The following CHODL variants were observed in gnomAD, a reference collection of about 807,000 sequenced individuals.
CHODL encodes chondrolectin.
CHODL carries 29 observed loss-of-function variants against 34.5 expected under a neutral mutation model. The ratio of observed to expected loss-of-function variants is 0.84; its 90% CI spans 0.63 to 1.15. The LOEUF is 1.15. Among genes scored for constraint, CHODL ranks in the 50% most tolerant of loss-of-function variants. CHODL has a pLI of 0.00. For missense variants in CHODL, 332 were observed against 332.5 expected (o/e 1.00, Z 0.01); for synonymous variants, 125 against 116.1 (o/e 1.08, Z -0.49).
intron 2 of CHODL, among the ~76,000 whole-genome samples, chr21:18,196,682 A>G (rs766412319): frequency 2.0e-5 from 3 of 152,216 alleles, no homozygotes; most frequent in Non-Finnish European, 4.4e-5. Context: ...GTTCTTCTGA[A>G]CATCTTTCCA....
chr21:18,043,193 A>G (rs926414296), intron 2 of CHODL, among the ~76,000 whole-genome samples: 1 of 151,972 alleles, frequency 6.6e-6, no homozygotes, highest in Non-Finnish European at 1.5e-5. Context: ...CAGAAAACTC[A>G]TTGCAGGGCT....
At chr21:18,176,595 GTT>G (rs1188979201) in intron 2 of CHODL, among the ~76,000 whole-genome samples, 1 of 152,100 alleles carries the variant, frequency 6.6e-6, no homozygotes, top group Non-Finnish European at 1.5e-5. Flanking sequence ...TTTGAAGCTT[GTT>G]TATCTAATGC....
At chr21:17,979,541 C>G (rs191856045) in intron 1 of CHODL, among the ~76,000 whole-genome samples, 18 of 152,190 alleles carry the variant, frequency 1.2e-4, no homozygotes, top group African/African-American at 4.1e-4. Context: ...TTCTTGATTA[C>G]TGCTAATTTT....
intron 2 of CHODL, among the ~76,000 whole-genome samples, chr21:18,183,998 G>T (rs1326514775): frequency 6.6e-6 from 1 of 152,050 alleles, no homozygotes; most frequent in African/African-American, 2.4e-5. Flanking sequence ...TAGTATTAAA[G>T]GTTTACTTTT....
In CHODL at chr21:18,104,658, A is replaced by G. The variant is rs189372556; in HGVS notation, c.-45+76687A>G. Among the ~76,000 whole-genome samples the G allele has an allele frequency of 1.3e-3, 197 of 152,310 alleles. 2 individuals carry two copies. The highest frequency in any genetic ancestry group is 8.0e-3 in the Admixed American group (122 of 15,298). On this transcript the variant is annotated intron_variant, in intron 2 of 6. Coordinates refer to the CHODL transcript ENST00000400127. ...TGACATACTTGAAGAACCTAGACACAAGATGCTAGTACTCTACCACTCTGA... is the reference window on the plus strand; with the variant it reads ...TGACATACTTGAAGAACCTAGACACGAGATGCTAGTACTCTACCACTCTGA...
Position 18,245,170 on chromosome 21 carries a change from TGG to T in CHODL, c.-52_-51del. On this transcript the variant is annotated 5_prime_UTR_variant, in exon 1 of 6. Coordinates refer to ENST00000299295, the MANE Select transcript of CHODL (RefSeq NM_024944.3). The stretch of plus-strand genomic sequence containing the variant: ...AGAGTCAGAGTCGCGGGCTGCGCCC[TGG>T]GCAGAGGCCGCCCTCGCTCCACGCA... The T allele has an allele frequency of 1.3e-6, 1 of 777,454 alleles. No homozygotes were observed. The highest frequency in any genetic ancestry group is 1.5e-5 in the South Asian group (1 of 65,800). 48.2% of individuals were successfully genotyped at this position (777,454 alleles called of 1,614,324 possible).
At chr21:18,014,793 C>T (rs1310783746) in intron 1 of CHODL, among the ~76,000 whole-genome samples, 3 of 152,194 alleles carry the variant, frequency 2.0e-5, no homozygotes, top group African/African-American at 7.2e-5. Context: ...AATTTCATGC[C>T]TCCTGTAAGT....
intron 2 of CHODL, among the ~76,000 whole-genome samples, chr21:18,141,651 T>C (rs935248571): frequency 1.3e-5 from 2 of 149,760 alleles, no homozygotes; most frequent in Non-Finnish European, 3.0e-5. Flanking sequence ...AAGCTTGAAA[T>C]AGAGATTTGT....
rs148709457 is a variant in CHODL at position 17,942,655 on chromosome 21, C to T, written c.-145+25255C>T. 3.9e-3 allele frequency among the ~76,000 whole-genome samples: 600 copies of T among 152,200 alleles called. 5 individuals carry two copies. The highest frequency in any genetic ancestry group is 0.014 in the African/African-American group (568 of 41,516). On this transcript the variant is annotated intron_variant, in intron 1 of 6. Coordinates refer to the CHODL transcript ENST00000400127. ...CAGAATTTAAAACTTAAAGATACCA[C>T]AAAAATTTAAAGGTTAATGTGGTAG...
At chr21:18,189,363 G>A (rs914851843) in intron 2 of CHODL, among the ~76,000 whole-genome samples, 1 of 152,098 alleles carries the variant, frequency 6.6e-6, no homozygotes, top group Admixed American at 6.5e-5. Flanking sequence ...TTTTTGAATT[G>A]TGTATGCCAT....
chr21:18,003,125 AAAAAAAAAAAC>A (rs2063925636), intron 1 of CHODL, among the ~76,000 whole-genome samples: 1 of 130,642 alleles, frequency 7.7e-6, no homozygotes, highest in Admixed American at 7.7e-5. Context: ...CCGTCTCAAA[AAAAAAAAAAAC>A]AAAAAAAAAA....
intron 2 of CHODL, among the ~76,000 whole-genome samples, chr21:18,090,263 A>T (rs2065055855): frequency 6.6e-6 from 1 of 152,216 alleles, no homozygotes; most frequent in South Asian, 2.1e-4. Flanking sequence ...TAATGTTAGG[A>T]GCTGAATAGG....
chr21:18,260,849 A>AC (rs1468972708), intron 4 of CHODL, among the ~76,000 whole-genome samples: 3,992 of 105,434 alleles, frequency 0.038, 153 homozygotes, highest in African/African-American at 0.19. Flanking sequence ...AACAACAACA[A>AC]AAAAACACCA....
chr21:17,973,751 GA>G, intron 1 of CHODL, among the ~76,000 whole-genome samples: 2 of 146,548 alleles, frequency 1.4e-5, no homozygotes, highest in South Asian at 4.3e-4. Flanking sequence ...TCTGTTCTAA[GA>G]AATCCACAGA....
intron 2 of CHODL, among the ~76,000 whole-genome samples, chr21:18,065,845 T>TA (rs984401421): frequency 6.6e-6 from 1 of 152,120 alleles, no homozygotes; most frequent in Non-Finnish European, 1.5e-5. Context: ...GAAATGCATC[T>TA]AAAAAAATGC....
chr21:17,934,236 A>T (rs1204000327), intron 1 of CHODL, among the ~76,000 whole-genome samples: 2 of 67,412 alleles, frequency 3.0e-5, no homozygotes, highest in African/African-American at 7.4e-5. Flanking sequence ...TATAAAAATA[A>T]AAAAAAAAAA....
chr21:18,191,904 TA>T (rs1333560893), intron 2 of CHODL, among the ~76,000 whole-genome samples: 1 of 152,188 alleles, frequency 6.6e-6, no homozygotes, highest in Non-Finnish European at 1.5e-5. Context: ...TCCCTATAGT[TA>T]ACAGTATTGT....
At chr21:18,105,561 G>A (rs939818628) in intron 2 of CHODL, among the ~76,000 whole-genome samples, 1 of 152,072 alleles carries the variant, frequency 6.6e-6, no homozygotes, top group African/African-American at 2.4e-5. Flanking sequence ...ACAGGGAAGT[G>A]GTAGCAGTGG....
At chr21:18,265,132 A>G (rs562514578) in intron 5 of CHODL, among the ~76,000 whole-genome samples, 1 of 151,516 alleles carries the variant, frequency 6.6e-6, no homozygotes, top group Admixed American at 6.6e-5. Flanking sequence ...AACCAACCCA[A>G]ATGCCCATCA....
Sources: allele counts gnomAD v4.1 joint callset (sites outside exome capture counted in the v4.1 genomes callset), GRCh38; gene constraint gnomAD v4.1.1; transcripts MANE v1.5; gene names NCBI Gene and HGNC (gene_info 2026-07-23, HGNC 2026-07-21).